The following HSPA12A variants were observed in gnomAD, a reference collection of about 807,000 sequenced individuals.
The protein encoded by HSPA12A is heat shock 70 kDa protein 12A.
In HSPA12A, 28 loss-of-function variants were observed where a neutral mutation model predicts 69.2. That is an observed-to-expected ratio of 0.40 (90% CI 0.30 to 0.55). HSPA12A has a LOEUF of 0.55. Among genes scored for constraint, HSPA12A ranks in the 20% least tolerant of loss-of-function variants. The probability of loss-of-function intolerance (pLI) is 0.38; values close to 1 mark genes in which losing one functional copy is unlikely to be tolerated. For synonymous variants in HSPA12A, 345 were observed against 370.5 expected (o/e 0.93, Z 0.79); for missense variants, 686 against 900.7 (o/e 0.76, Z 3.05).
intron 6 of HSPA12A, among the ~76,000 whole-genome samples, chr10:116,689,994 G>A (rs2132934430): frequency 6.6e-6 from 1 of 152,254 alleles, no homozygotes; most frequent in South Asian, 2.1e-4. Flanking sequence ...GAACACTCAG[G>A]ATAATGACTG....
chr10:116,782,505 A>G (rs1554891911), intron 2 of HSPA12A, among the ~76,000 whole-genome samples: 1 of 152,186 alleles, frequency 6.6e-6, no homozygotes, highest in Non-Finnish European at 1.5e-5. Flanking sequence ...CGGGTGGAAC[A>G]TTACCTAACA....
At chr10:116,695,834 G>T (rs1589636340) in intron 5 of HSPA12A, among the ~76,000 whole-genome samples, 1 of 97,596 alleles carries the variant, frequency 1.0e-5, no homozygotes. Context: ...CAAAAACAAA[G>T]AAAAAAGAAA....
intron 2 of HSPA12A, among the ~76,000 whole-genome samples, chr10:116,786,721 C>A (rs1391411875): frequency 6.6e-6 from 1 of 152,056 alleles, no homozygotes; most frequent in Non-Finnish European, 1.5e-5. Flanking sequence ...CTCGCTGCAA[C>A]CTCTGCCTCC....
intron 1 of HSPA12A, among the ~76,000 whole-genome samples, chr10:116,838,770 T>A (rs1845757708): frequency 1.3e-5 from 2 of 152,242 alleles, no homozygotes; most frequent in South Asian, 4.1e-4. Flanking sequence ...ACTGCATTTT[T>A]AAAAATGTTG....
chr10:116,773,956 T>G (rs1363322096), intron 2 of HSPA12A, among the ~76,000 whole-genome samples: 1 of 152,008 alleles, frequency 6.6e-6, no homozygotes, highest in Admixed American at 6.5e-5. Context: ...TTACCCTCTT[T>G]GGTCTTGAGT....
At chr10:116,823,551 A>G (rs1288584736) in intron 2 of HSPA12A, among the ~76,000 whole-genome samples, 1 of 152,262 alleles carries the variant, frequency 6.6e-6, no homozygotes, top group Non-Finnish European at 1.5e-5. Flanking sequence ...AGGGCTAGAC[A>G]GACAGATCAA....
intron 1 of HSPA12A, among the ~76,000 whole-genome samples, chr10:116,726,045 A>G (rs979295018): frequency 2.0e-5 from 3 of 150,650 alleles, no homozygotes; most frequent in African/African-American, 7.5e-5. Flanking sequence ...ACACACACAC[A>G]CACACACACA....
chr10:116,752,414 T>C (rs1286032389), intron 2 of HSPA12A, among the ~76,000 whole-genome samples: 1 of 152,200 alleles, frequency 6.6e-6, no homozygotes, highest in Non-Finnish European at 1.5e-5. Context: ...TTATTCTCAT[T>C]CAGCCTCTCT....
chr10:116,711,330 C>T (rs995365035), intron 1 of HSPA12A, among the ~76,000 whole-genome samples: 1 of 152,088 alleles, frequency 6.6e-6, no homozygotes, highest in Admixed American at 6.6e-5. Context: ...TAAGTCAACA[C>T]CTCGACACAA....
chr10:116,705,002 T>C, intron 3 of HSPA12A, 149 bp downstream of exon 3: 1 of 872,354 alleles, frequency 1.1e-6, no homozygotes. Context: ...CAGAAATGGC[T>C]TGTCCCCAGT....
intron 3 of HSPA12A, among the ~76,000 whole-genome samples, chr10:116,702,272 T>A (rs1850100598): frequency 6.6e-6 from 1 of 151,756 alleles, no homozygotes; most frequent in South Asian, 2.1e-4. Flanking sequence ...CCCAACCAGG[T>A]CCTGGCTCCT....
chr10:116,713,704 G>T lies in HSPA12A; in HGVS notation c.41-6419C>A, dbSNP rs118091228. On this transcript the variant is annotated intron_variant, in intron 1 of 11. Coordinates refer to ENST00000369209, the MANE Select transcript of HSPA12A (RefSeq NM_025015.3). ...TGCAGGTTCATGCATTGGTCCGTGG[G>T]CCTCCAATTGTGTCTATACATGTCC... Among the ~76,000 whole-genome samples the T allele has an allele frequency of 2.6e-5, 4 of 152,262 alleles. No homozygotes were observed. The East Asian group carries it at 7.7e-4, about 29-fold the overall frequency.
chr10:116,805,044 C>T (rs575974901), intron 2 of HSPA12A, among the ~76,000 whole-genome samples: 2 of 152,222 alleles, frequency 1.3e-5, no homozygotes, highest in Non-Finnish European at 1.5e-5. Flanking sequence ...TGGACGGGCG[C>T]GGTGGCTCAC....
intron 10 of HSPA12A, 130 bp downstream of exon 10, chr10:116,679,373 A>T: frequency 9.5e-7 from 1 of 1,057,224 alleles, no homozygotes; most frequent in Non-Finnish European, 1.4e-6. Flanking sequence ...AGAGAAGTTG[A>T]GTCCCTTGCC....
chr10:116,765,340 A>G (rs1294547559), intron 2 of HSPA12A, among the ~76,000 whole-genome samples: 1 of 152,186 alleles, frequency 6.6e-6, no homozygotes, highest in Admixed American at 6.5e-5. Context: ...TTTAAATTAA[A>G]TAAGTAAAAT....
chr10:116,774,079 T>G (rs1304504716), intron 2 of HSPA12A, among the ~76,000 whole-genome samples: 1 of 151,532 alleles, frequency 6.6e-6, no homozygotes, highest in Admixed American at 6.6e-5. Context: ...GCGGGATCTC[T>G]GCTCACTGCA....
At chr10:116,804,408 T>C (rs1845025460) in intron 2 of HSPA12A, among the ~76,000 whole-genome samples, 1 of 151,970 alleles carries the variant, frequency 6.6e-6, no homozygotes, top group African/African-American at 2.4e-5. Context: ...GCTTGCAGCG[T>C]CCTATGGGGC....
intron 2 of HSPA12A, among the ~76,000 whole-genome samples, chr10:116,783,098 C>T (rs1258292039): frequency 6.6e-6 from 1 of 152,226 alleles, no homozygotes; most frequent in African/African-American, 2.4e-5. Flanking sequence ...AGATACCAAT[C>T]ACGTCCAGCG....
chr10:116,817,416 C>A (rs897067088), intron 2 of HSPA12A, among the ~76,000 whole-genome samples: 1 of 149,746 alleles, frequency 6.7e-6, no homozygotes, highest in Non-Finnish European at 1.5e-5. Flanking sequence ...CAGCCTTCTG[C>A]GGTGACCTTA....
Sources: allele counts gnomAD v4.1 joint callset (sites outside exome capture counted in the v4.1 genomes callset), GRCh38; gene constraint gnomAD v4.1.1; transcripts MANE v1.5; gene names NCBI Gene and HGNC (gene_info 2026-07-23, HGNC 2026-07-21).